Variants in CFAP47 observed in about 807,000 individuals in gnomAD.
CFAP47 encodes the protein cilia- and flagella-associated protein 47.
CFAP47 carries 29 observed loss-of-function variants against 148.1 expected under a neutral mutation model. The observed-to-expected ratio is 0.20, with a 90% CI of 0.15 to 0.27. The LOEUF is 0.27. Ranked by LOEUF, CFAP47 falls within the 10% of genes least tolerant of loss-of-function variation. CFAP47 has a pLI of 1.00. For missense variants in CFAP47, 1,872 were observed against 1,697.5 expected (o/e 1.10, Z -1.81); for synonymous variants, 664 against 577.3 (o/e 1.15, Z -2.15).
At position 36,321,273 on chromosome X, in the gene CFAP47, C is replaced by T. The variant is rs1183998105; in HGVS notation, c.8443+1966C>T. Reference sequence around the variant, plus strand: ...GTAGGTCATTATGTTAAGTGAAAGACAGGCTTCTCATGTTCTCACTTATTT... The same window carrying T: ...GTAGGTCATTATGTTAAGTGAAAGATAGGCTTCTCATGTTCTCACTTATTT... On this transcript the variant is annotated intron_variant, in intron 57 of 63. Coordinates refer to ENST00000378653, the MANE Select transcript of CFAP47 (RefSeq NM_001304548.2). Among the ~76,000 whole-genome samples, 2 of 111,420 alleles carry T rather than the reference C, an allele frequency of 1.8e-5. 1 individual carries two copies. Among genetic ancestry groups the T allele is most frequent in the East Asian group, 5.7e-4 (2 of 3,532 alleles).
At chrX:35,991,184 A>T in intron 16 of CFAP47, among the ~76,000 whole-genome samples, 1 of 111,368 alleles carries the variant, frequency 9.0e-6, no homozygotes, top group Non-Finnish European at 1.9e-5. Context: ...CCATTCATTC[A>T]TTTAACATTT....
At chrX:36,030,668 T>C (rs971193198) in intron 22 of CFAP47, among the ~76,000 whole-genome samples, 1 of 110,947 alleles carries the variant, frequency 9.0e-6, no homozygotes, top group Non-Finnish European at 1.9e-5. Context: ...TGATACCCTT[T>C]AGTTTTCATT....
intron 39 of CFAP47, among the ~76,000 whole-genome samples, chrX:36,168,907 C>T (rs1355760606): frequency 8.9e-6 from 1 of 111,969 alleles, no homozygotes; most frequent in East Asian, 2.8e-4. Context: ...ATTTCTTGTG[C>T]CACAGTTCTG....
intron 2 of CFAP47, among the ~76,000 whole-genome samples, chrX:35,932,549 G>T (rs888189670): frequency 2.7e-5 from 3 of 110,320 alleles, no homozygotes; most frequent in African/African-American, 9.9e-5. Context: ...ACCATGCTCA[G>T]CCTGCTCCAT....
chrX:36,242,378 A>C (rs1458927021), intron 48 of CFAP47, among the ~76,000 whole-genome samples: 1 of 112,310 alleles, frequency 8.9e-6, no homozygotes, highest in Non-Finnish European at 1.9e-5. Context: ...AGGAAACTTG[A>C]CGACATTCAG....
intron 29 of CFAP47, among the ~76,000 whole-genome samples, chrX:36,084,801 T>C (rs749331049): frequency 1.8e-5 from 2 of 112,047 alleles, no homozygotes; most frequent in African/African-American, 6.5e-5. Context: ...CCCTGCTTAT[T>C]AAGCCAATGT....
At chrX:36,353,234 G>A (rs369145979) in intron 59 of CFAP47, among the ~76,000 whole-genome samples, 2 of 110,034 alleles carry the variant, frequency 1.8e-5, no homozygotes, top group East Asian at 2.8e-4. Flanking sequence ...ATCAGTTCCC[G>A]AATCAAATTT....
At chrX:35,981,656 T>C (rs1936646805) in intron 15 of CFAP47, among the ~76,000 whole-genome samples, 1 of 111,453 alleles carries the variant, frequency 9.0e-6, no homozygotes, top group South Asian at 3.8e-4. Flanking sequence ...CAAGTAGTTT[T>C]CAATCCTCAC....
At chrX:36,336,644 G>C (rs915425404) in intron 57 of CFAP47, among the ~76,000 whole-genome samples, 3 of 111,624 alleles carry the variant, frequency 2.7e-5, no homozygotes, top group Admixed American at 9.5e-5. Flanking sequence ...GAGCTCAACT[G>C]TCAGAGTTCT....
intron 6 of CFAP47, among the ~76,000 whole-genome samples, chrX:35,952,259 A>G (rs892124534): frequency 3.6e-5 from 4 of 111,878 alleles, no homozygotes; most frequent in African/African-American, 1.3e-4. Context: ...TTGTTTGTGC[A>G]GTCAAGACCT....
chrX:36,255,240 C>T (rs1403737227), intron 49 of CFAP47, among the ~76,000 whole-genome samples: 1 of 112,322 alleles, frequency 8.9e-6, no homozygotes, highest in Non-Finnish European at 1.9e-5. Context: ...GATGCTGTAA[C>T]AGGTTGAGTT....
At chrX:35,956,584 G>A (rs1410971096) in intron 8 of CFAP47, among the ~76,000 whole-genome samples, 1 of 111,991 alleles carries the variant, frequency 8.9e-6, no homozygotes, top group African/African-American at 3.2e-5. Flanking sequence ...CTCCATAGGA[G>A]AGTAATGTAT....
intron 33 of CFAP47, among the ~76,000 whole-genome samples, chrX:36,118,007 C>G (rs1938670890): frequency 9.0e-6 from 1 of 111,586 alleles, no homozygotes; most frequent in Admixed American, 9.5e-5. Flanking sequence ...TCTCTTTTCC[C>G]CAGTGTATCT....
chrX:36,069,438 A>C (rs1937705219), intron 27 of CFAP47, among the ~76,000 whole-genome samples: 1 of 111,708 alleles, frequency 9.0e-6, no homozygotes, highest in Non-Finnish European at 1.9e-5. Context: ...AAATAAATAA[A>C]TAAAACCTTG....
In CFAP47 at chrX:35,975,748, G is replaced by C. The variant is rs368744793; in HGVS notation, c.2548G>C (p.Glu850Gln). The change falls in exon 15 of 64, where the codon GAG becomes CAG. Residue 850 changes from glutamate (E) to glutamine (Q), a missense_variant. Coordinates refer to ENST00000378653, the MANE Select transcript of CFAP47 (RefSeq NM_001304548.2). The stretch of plus-strand genomic sequence containing the variant: ...GGCAGTTGTCCAGCCAGTAACACTT[G>C]AGCTATCTTCTAATGAGCTAGTATT... ...VVAVVQPVTL[E>Q]LSSNELVLRP... is the part of the protein sequence containing the mutation. 10 of 1,207,875 alleles carry C rather than the reference G, an allele frequency of 8.3e-6. No homozygotes were observed. The Admixed American group carries it at 2.2e-4, about 26-fold the overall frequency.
intron 1 of CFAP47, among the ~76,000 whole-genome samples, chrX:35,924,283 G>C (rs1935676357): frequency 9.5e-6 from 1 of 104,894 alleles, no homozygotes; most frequent in Admixed American, 1.0e-4. Flanking sequence ...ATGTGTATAT[G>C]TACATGTATG....
chrX:36,016,687 G>T (rs766576572), intron 22 of CFAP47, among the ~76,000 whole-genome samples: 1 of 103,010 alleles, frequency 9.7e-6, no homozygotes, highest in Non-Finnish European at 2.0e-5. Context: ...GGGATTGCTG[G>T]ATCTTATGCC....
chrX:35,964,574 T>C (rs1184574389), intron 8 of CFAP47, among the ~76,000 whole-genome samples: 2 of 111,041 alleles, frequency 1.8e-5, no homozygotes, highest in African/African-American at 6.5e-5. Flanking sequence ...CTTCTCCTTT[T>C]TAGACTCCCA....
intron 24 of CFAP47, among the ~76,000 whole-genome samples, 196 bp downstream of exon 24, chrX:36,036,050 T>A (rs1346267438): frequency 8.9e-6 from 1 of 111,800 alleles, no homozygotes; most frequent in African/African-American, 3.2e-5. Context: ...ATATTCAAGG[T>A]GTACAATGTG....
Sources: allele counts gnomAD v4.1 joint callset (sites outside exome capture counted in the v4.1 genomes callset), GRCh38; gene constraint gnomAD v4.1.1; transcripts MANE v1.5; gene names NCBI Gene and HGNC (gene_info 2026-07-23, HGNC 2026-07-21).